The following ATAD3C variants were observed in gnomAD, a reference collection of about 807,000 sequenced individuals.
ATAD3C encodes ATPase family AAA domain-containing protein 3C.
A neutral mutation model predicts 46.3 loss-of-function variants in ATAD3C; 38 were observed. That is an observed-to-expected ratio of 0.82 (90% CI 0.63 to 1.08). The LOEUF (loss-of-function observed/expected upper bound fraction) is 1.08, where lower values mean the gene tolerates loss of function less well. ATAD3C is among the 50% of genes least tolerant of loss of function. The pLI is 0.00. For missense variants in ATAD3C, 563 were observed against 572.7 expected (o/e 0.98, Z 0.17); for synonymous variants, 220 against 236.4 (o/e 0.93, Z 0.63).
chr1:1,455,465 CA>C lies in ATAD3C; in HGVS notation c.385del (p.Ser129AlafsTer30). The C allele has an allele frequency of 6.2e-7, 1 of 1,612,272 alleles. No individual in the cohort carries two copies. The highest frequency in any genetic ancestry group is 2.2e-5 in the East Asian group (1 of 44,848). On this transcript the variant is annotated frameshift_variant, in exon 5 of 12. Transcript: ENST00000378785. LOFTEE classifies it high-confidence loss of function. ...TGCTTCCCCTTCCCCTCCAGCAGGT[CA>C]GCCGGCGGCTCCTCAGTCGACCCCA... ...EALRHPIQQV[S>X]RRLLSRPQDV...
chr1:1,456,991 C>A, intron 7 of ATAD3C, 138 bp from the exon 8 acceptor site: 1 of 1,221,748 alleles, frequency 8.2e-7, no homozygotes, highest in East Asian at 2.3e-5. Context: ...CTGTCAGGTC[C>A]AGGACTTAGG....
intron 9 of ATAD3C, among the ~76,000 whole-genome samples, chr1:1,460,435 C>T (rs892751195): frequency 3.3e-5 from 5 of 152,000 alleles, no homozygotes; most frequent in Admixed American, 2.0e-4. Flanking sequence ...GCTCCCAGCA[C>T]AGCGGGGCTC....
chr1:1,464,071 G>T (rs1255756947), intron 11 of ATAD3C, among the ~76,000 whole-genome samples: 1 of 151,662 alleles, frequency 6.6e-6, no homozygotes, highest in African/African-American at 2.4e-5. Flanking sequence ...GGGCATGGTG[G>T]TGGTGCATGC....
chr1:1,457,007 G>T, intron 7 of ATAD3C, 122 bp from the exon 8 acceptor site: 3 of 1,376,026 alleles, frequency 2.2e-6, no homozygotes, highest in Non-Finnish European at 3.1e-6. Context: ...TTAGGGCTCC[G>T]TGGGGCAGAG....
rs1041798187 is a variant in ATAD3C, at chr1:1,459,922, G to A, written c.812+691G>A. On this transcript the variant is annotated intron_variant, in intron 9 of 11. Coordinates refer to ENST00000378785, the MANE Select transcript of ATAD3C (RefSeq NM_001039211.3). The surrounding 1 kb of genome is among the most constrained non-coding windows in gnomAD (Gnocchi z 4.9). ...TGGTCGGCCGTGGCTGACTCCTCAG[G>A]CACGTTGGGCTCCTGGGTCAGCTGC... 6.6e-6 allele frequency among the ~76,000 whole-genome samples: 1 copy of A among 151,998 alleles called. No homozygotes were observed. The highest frequency in any genetic ancestry group is 1.5e-5 in the Non-Finnish European group (1 of 67,956).
chr1:1,463,486 A>G (rs942818560), intron 11 of ATAD3C, among the ~76,000 whole-genome samples: 3 of 152,098 alleles, frequency 2.0e-5, no homozygotes, highest in African/African-American at 7.2e-5. Context: ...AGGGAGCTGT[A>G]TTAGTCAGTA....
intron 2 of ATAD3C, 47 bp downstream of exon 2, chr1:1,452,169 G>A: frequency 2.5e-6 from 4 of 1,605,654 alleles, no homozygotes; most frequent in Non-Finnish European, 3.4e-6. Context: ...AGCCCCCACA[G>A]GTGTGAGTCG....
chr1:1,456,377 G>A, intron 7 of ATAD3C, 28 bp downstream of exon 7: 8 of 1,090,044 alleles, frequency 7.3e-6, no homozygotes, highest in Non-Finnish European at 9.9e-6. Flanking sequence ...CATGCACCAG[G>A]CCCTTGGCTG....
chr1:1,468,687 C>T lies in ATAD3C; in HGVS notation c.*157C>T. On this transcript the variant is annotated 3_prime_UTR_variant, in exon 12 of 12. Transcript: ENST00000378785. ...CTGACACGGGGCGGGGTTTGGGGCC[C>T]CCTAACGTCCCCCTGGGGTCAAAGG... is the stretch of plus-strand genomic sequence containing the variant. 7.4e-7 allele frequency: 1 copy of T among 1,346,640 alleles called. No homozygotes were observed. Among genetic ancestry groups the T allele is most frequent in the Non-Finnish European group, 1.0e-6 (1 of 979,858 alleles). 83.4% of individuals were successfully genotyped at this position (1,346,640 alleles called of 1,614,324 possible). A position where few individuals can be genotyped will look rare whatever the true frequency, so the allele number is the denominator to read the frequency against.
At chr1:1,460,094 G>A (rs2100484488) in intron 9 of ATAD3C, among the ~76,000 whole-genome samples, 2 of 139,110 alleles carry the variant, frequency 1.4e-5, no homozygotes, top group Middle Eastern at 3.5e-3. Flanking sequence ...TTTTTGAGAT[G>A]GAGTTTTTGC....
intron 8 of ATAD3C, among the ~76,000 whole-genome samples, chr1:1,458,147 T>C (rs1488159641): frequency 6.8e-6 from 1 of 147,752 alleles, no homozygotes; most frequent in Non-Finnish European, 1.5e-5. Context: ...TCCAGATAAG[T>C]TTTTTGTATT....
At position 1,469,413 on chromosome 1, in the gene ATAD3C, T is replaced by G. The variant is rs1342097274; in HGVS notation, c.*883T>G. The G allele has an allele frequency of 6.8e-6, 1 of 147,568 alleles. No homozygotes were observed. The highest frequency in any genetic ancestry group is 2.5e-5 in the African/African-American group (1 of 39,582). 9.1% of individuals were successfully genotyped at this position (147,568 alleles called of 1,614,324 possible). ...GTTGCAGTGAGCCAAGATCGCACCA[T>G]TGCACTCCAGCCTGGATGATAGAGT... is the stretch of plus-strand genomic sequence containing the variant. On this transcript the variant is annotated 3_prime_UTR_variant, in exon 12 of 12. Coordinates refer to ENST00000378785, the MANE Select transcript of ATAD3C (RefSeq NM_001039211.3).
Position 1,455,866 on chromosome 1 carries a change from C to T in ATAD3C, c.514C>T (p.His172Tyr). Reference sequence around the variant, plus strand: ...CAAGAAGAACCGGGGCCTGTACAGGCACATCCTGCTGTACGGGCCACCAGG... The same window carrying T: ...CAAGAAGAACCGGGGCCTGTACAGGTACATCCTGCTGTACGGGCCACCAGG... ...NIKKNRGLYRHILLYGPPGTG... is the reference protein window; with the variant it reads ...NIKKNRGLYRYILLYGPPGTG... Residue 172 changes from histidine (H) to tyrosine (Y), a missense_variant, in exon 6 of 12, where the codon CAC becomes TAC. His to Tyr is a moderately conservative substitution (Grantham distance 83). Transcript: ENST00000378785. The T allele has an allele frequency of 1.9e-6, 3 of 1,613,434 alleles. 1 individual carries two copies. The highest frequency in any genetic ancestry group is 2.5e-6 in the Non-Finnish European group (3 of 1,179,708).
At chr1:1,450,988 G>A (rs143426166) in intron 1 of ATAD3C, among the ~76,000 whole-genome samples, 5 of 152,078 alleles carry the variant, frequency 3.3e-5, no homozygotes, top group Admixed American at 6.6e-5. Flanking sequence ...GCGTCTGGTC[G>A]TCCTGAGGGC....
At position 1,455,803 on chromosome 1, in the gene ATAD3C, G is replaced by A. The variant is rs1314476491; in HGVS notation, c.451G>A (p.Ala151Thr). 1.2e-6 allele frequency: 2 copies of A among 1,613,322 alleles called. No homozygotes were observed. The highest frequency in any genetic ancestry group is 8.5e-7 in the Non-Finnish European group (1 of 1,179,704). Reference sequence around the variant, plus strand: ...TCTTCCTCGGCAGCCCAGCCTGGAAGCACGGGTGCGCGACATCGCCATAAT... The same window carrying A: ...TCTTCCTCGGCAGCCCAGCCTGGAAACACGGGTGCGCGACATCGCCATAAT... ...EGVVLSPSLE[A>T]RVRDIAIMTR... The change falls in exon 6 of 12, where the codon GCA (alanine) becomes ACA (threonine). Residue 151 changes from alanine (A) to threonine (T), a missense_variant. By Grantham distance (58) the Ala-to-Thr change is moderately conservative. This residue lies in a region of ATAD3C where 263 missense variants were observed against 243.1 expected (regional missense o/e 1.08). Coordinates refer to ENST00000378785, the MANE Select transcript of ATAD3C (RefSeq NM_001039211.3).
At position 1,462,566 on chromosome 1, in the gene ATAD3C, C is replaced by A. The variant is rs1293169409; in HGVS notation, c.981-34C>A. The A allele has an allele frequency of 1.3e-6, 2 of 1,552,546 alleles. No individual in the cohort carries two copies. Among genetic ancestry groups the A allele is most frequent in the Non-Finnish European group, 1.7e-6 (2 of 1,143,166 alleles). ...CCACCTCGTGGTGTGGGAGCTGCTG[C>A]CTTGGCCGGCCCACTTGGGAACTCC... On this transcript the variant is annotated intron_variant, in intron 10 of 11. Coordinates refer to ENST00000378785, the MANE Select transcript of ATAD3C (RefSeq NM_001039211.3). The surrounding 1 kb of genome is among the most constrained non-coding windows in gnomAD (Gnocchi z 4.5).
Position 1,468,519 on chromosome 1 carries a change from C to T in ATAD3C, c.1225C>T (p.Pro409Ser), listed in dbSNP as rs996192333. 8.1e-6 allele frequency: 13 copies of T among 1,606,820 alleles called. No homozygotes were observed. The highest frequency in any genetic ancestry group is 6.7e-5 in the African/African-American group (5 of 74,594). Reference sequence around the variant, plus strand: ...GAGGCCTGGGCCCGAGGACGAGCAACCCTCATCCTGAGTCCATGGGGAGAC... The same window carrying T: ...GAGGCCTGGGCCCGAGGACGAGCAATCCTCATCCTGAGTCCATGGGGAGAC... Reference protein sequence around the residue: ...GERPGPEDEQPSS With the variant: ...GERPGPEDEQSSS The change falls in exon 12 of 12, where the codon CCC becomes TCC. Residue 409 changes from proline to serine, a missense_variant. Physicochemically the swap from Pro to Ser is moderately conservative, Grantham distance 74 (BLOSUM62 -1). Around this residue, in one of 3 missense-constraint regions of ATAD3C, gnomAD observed 273 missense variants for 253.5 expected, o/e 1.08. Transcript: ENST00000378785.
Position 1,468,857 on chromosome 1 carries a change from C to T in ATAD3C, c.*327C>T. ...ACGCGGGTGCCCCTTCGCCTCCCTC[C>T]CCTCCGCCAGAGCTGCCTGTGGCCA... On this transcript the variant is annotated 3_prime_UTR_variant, in exon 12 of 12. Transcript: ENST00000378785. The T allele has an allele frequency of 3.1e-6, 1 of 324,828 alleles. No individual in the cohort carries two copies. Among genetic ancestry groups the T allele is most frequent in the East Asian group, 9.4e-5 (1 of 10,656 alleles). The allele number at this position is 324,828 out of a possible 1,614,324, so 20.1% of individuals were successfully genotyped here. A position where few individuals can be genotyped will look rare whatever the true frequency, so the allele number is the denominator to read the frequency against.
At position 1,450,320 on chromosome 1, in the gene ATAD3C, C is replaced by A. The variant is rs1184694520; in HGVS notation, c.-364C>A. On this transcript the variant is annotated 5_prime_UTR_variant, in exon 1 of 12. Transcript: ENST00000378785. ...AGCCTGGGCCAGAATGAGACTCCGT[C>A]TCAAAAAAAAAAAAAAAAAAAGCAT... The A allele has an allele frequency of 2.4e-5, 4 of 165,278 alleles. No individual in the cohort carries two copies. The highest frequency in any genetic ancestry group is 6.0e-5 in the African/African-American group (1 of 16,750). The allele number at this position is 165,278 out of a possible 1,614,324, so 10.2% of individuals were successfully genotyped here.
Sources: gnomAD v4.1 joint callset for allele counts (sites outside exome capture counted in the v4.1 genomes callset) on GRCh38, gnomAD v4.1.1 for gene constraint, gnomAD v4.1.1 regional missense constraint, Gnocchi (gnomAD v3.1) non-coding constraint, MANE v1.5 for transcripts, NCBI Gene and HGNC (gene_info 2026-07-23, HGNC 2026-07-21) for gene names.